The following METTL4 variants were observed in gnomAD, a reference collection of about 807,000 sequenced individuals.
METTL4 encodes the protein N(6)-adenine-specific methyltransferase METTL4.
In METTL4, 40 loss-of-function variants were observed where a neutral mutation model predicts 54.0. The ratio of observed to expected loss-of-function variants is 0.74; its 90% confidence interval spans 0.58 to 0.96. The LOEUF (loss-of-function observed/expected upper bound fraction) is 0.96. Ranked by LOEUF, METTL4 falls within the 50% of genes least tolerant of loss-of-function variation. The pLI is 0.00. For missense variants in METTL4, 525 were observed against 549.0 expected (o/e 0.96, Z 0.44); for synonymous variants, 169 against 183.8 (o/e 0.92, Z 0.65).
intron 3 of METTL4, among the ~76,000 whole-genome samples, chr18:2,556,907 G>C (rs2072247378): frequency 6.6e-6 from 1 of 152,134 alleles, no homozygotes; most frequent in African/African-American, 2.4e-5. Flanking sequence ...ATTGCTAAAA[G>C]AAACAGTGAT....
At chr18:2,551,772 C>T (rs1022321997) in intron 5 of METTL4, among the ~76,000 whole-genome samples, 4 of 151,612 alleles carry the variant, frequency 2.6e-5, no homozygotes, top group South Asian at 2.1e-4. Context: ...AAACAAGAAG[C>T]GTAAGAAAGG....
At chr18:2,544,870 C>T (rs1191465349) in intron 6 of METTL4, 111 bp from the exon 7 acceptor site, 1 of 582,508 alleles carries the variant, frequency 1.7e-6, no homozygotes, top group African/African-American at 2.0e-5. Context: ...AGTAAAAATA[C>T]TATGTGAGCC....
At position 2,560,969 on chromosome 18, in the gene METTL4, A is replaced by T. The variant is rs574067045; in HGVS notation, c.459+2828T>A. 5.5e-4 allele frequency among the ~76,000 whole-genome samples: 84 copies of T among 152,322 alleles called. 1 individual carries two copies. The highest frequency in any genetic ancestry group is 1.9e-3 in the African/African-American group (78 of 41,574). On this transcript the variant is annotated intron_variant, in intron 3 of 8. Coordinates refer to ENST00000574538, the MANE Select transcript of METTL4 (RefSeq NM_022840.5). ...AAATGCAAGGATGGTTAATTGAGGAAGAATCATAGGAAAAATCTATTCAGT... is the reference window on the plus strand; with the variant it reads ...AAATGCAAGGATGGTTAATTGAGGATGAATCATAGGAAAAATCTATTCAGT...
At chr18:2,554,372 TA>T (rs35980126) in intron 4 of METTL4, 230,596 of 234,650 alleles carry the variant, frequency 0.98, 113,366 homozygotes, top group Non-Finnish European at 0.99. Flanking sequence ...GAAAAAAAGT[TA>T]AAAAAAAAAG....
chr18:2,540,290 T>C (rs1049441785), intron 8 of METTL4: 55 of 984,422 alleles, frequency 5.6e-5, no homozygotes, highest in African/African-American at 8.7e-5. Flanking sequence ...AGGAATTTGG[T>C]ATAAAATTCA....
chr18:2,570,362 T>C (rs905888726), intron 1 of METTL4, among the ~76,000 whole-genome samples: 2 of 152,242 alleles, frequency 1.3e-5, no homozygotes, highest in African/African-American at 4.8e-5. Context: ...AATGCTGAAC[T>C]GTACTGTGAA....
chr18:2,555,978 T>C (rs2072233445), intron 3 of METTL4, among the ~76,000 whole-genome samples: 1 of 151,532 alleles, frequency 6.6e-6, no homozygotes, highest in Admixed American at 6.6e-5. Flanking sequence ...ACATGCAGAG[T>C]CCAATAGTCT....
chr18:2,544,857 T>A (rs2072048374), intron 6 of METTL4, 98 bp from the exon 7 acceptor site: 1 of 708,488 alleles, frequency 1.4e-6, no homozygotes, highest in African/African-American at 1.9e-5. Flanking sequence ...GCTAGTGATA[T>A]TCAGTAAAAA....
chr18:2,566,823 T>C lies in METTL4; in HGVS notation c.394A>G (p.Lys132Glu). ...AAATATTTCTTAAAACTTTCTACCTTCCCAATAATAGAAATGGAGATTTCT... is the reference window on the plus strand; with the variant it reads ...AAATATTTCTTAAAACTTTCTACCTCCCCAATAATAGAAATGGAGATTTCT... ...KKEISISIIG[K>E]KRKRCVVFNQ... is the part of the protein sequence containing the mutation. Residue 132 changes from lysine (K) to glutamate (E), a missense_variant and splice_region_variant, in exon 2 of 9, where the codon AAG becomes GAG. Physicochemically the swap from Lys to Glu is moderately conservative, Grantham distance 56. Transcript: ENST00000574538. 2 of 1,551,864 alleles carry C rather than the reference T, an allele frequency of 1.3e-6. No individual in the cohort carries two copies. Among genetic ancestry groups the C allele is most frequent in the South Asian group, 1.2e-5 (1 of 82,560 alleles).
intron 5 of METTL4, among the ~76,000 whole-genome samples, chr18:2,551,057 G>A (rs942218190): frequency 1.7e-4 from 25 of 150,080 alleles, no homozygotes; most frequent in South Asian, 6.4e-4. Flanking sequence ...CCAGCTACTC[G>A]GGAGGCTGAG....
chr18:2,564,434 C>T (rs2072372442), intron 2 of METTL4, among the ~76,000 whole-genome samples: 1 of 152,130 alleles, frequency 6.6e-6, no homozygotes, highest in African/African-American at 2.4e-5. Flanking sequence ...GTTACCAGTG[C>T]CATCTATCAC....
At chr18:2,554,262 G>A (rs1411000210) in intron 4 of METTL4, 2 of 154,466 alleles carry the variant, frequency 1.3e-5, no homozygotes. Flanking sequence ...AGAAATTTTA[G>A]ACAATGAGCT....
At chr18:2,551,471 G>A (rs1034942412) in intron 5 of METTL4, among the ~76,000 whole-genome samples, 11 of 152,262 alleles carry the variant, frequency 7.2e-5, no homozygotes, top group African/African-American at 2.6e-4. Flanking sequence ...GGAGGCTGAG[G>A]CAGGAGGATC....
intron 3 of METTL4, among the ~76,000 whole-genome samples, chr18:2,556,445 T>C (rs746982094): frequency 6.6e-6 from 1 of 151,988 alleles, no homozygotes; most frequent in Non-Finnish European, 1.5e-5. Flanking sequence ...TATGAAAATA[T>C]GAACTACCCA....
Position 2,554,872 on chromosome 18 carries a change from G to A in METTL4, c.626C>T (p.Pro209Leu), listed in dbSNP as rs1598350035. The A allele has an allele frequency of 6.2e-7, 1 of 1,613,842 alleles. No individual in the cohort carries two copies. Reference sequence around the variant, plus strand: ...CTGATGTTCCATTTCATTCAGAGAAGGCAAATGCTTTGCCATTTCACATAA... The same window carrying A: ...CTGATGTTCCATTTCATTCAGAGAAAGCAAATGCTTTGCCATTTCACATAA... Reference protein sequence around the residue: ...SELCEMAKHLPSLNEMEHQTL... With the variant: ...SELCEMAKHLLSLNEMEHQTL... Residue 209 changes from proline to leucine, a missense_variant, in exon 4 of 9, where the codon CCT becomes CTT. Transcript: ENST00000574538.
intron 8 of METTL4, chr18:2,540,326 A>C: frequency 1.0e-6 from 1 of 983,570 alleles, no homozygotes; most frequent in Non-Finnish European, 1.2e-6. Context: ...TAGAAAAGGT[A>C]AAATATGGTT....
intron 6 of METTL4, among the ~76,000 whole-genome samples, chr18:2,545,839 C>T (rs771675900): frequency 1.3e-5 from 2 of 151,960 alleles, no homozygotes; most frequent in Non-Finnish European, 2.9e-5. Flanking sequence ...TGTATAATTG[C>T]CTAATAAATG....
intron 5 of METTL4, among the ~76,000 whole-genome samples, chr18:2,549,998 AAAAAT>A (rs1237588018): frequency 1.3e-5 from 2 of 151,766 alleles, no homozygotes; most frequent in South Asian, 2.1e-4. Flanking sequence ...CTGTCTCAAA[AAAAAT>A]AAAATAAAAT....
At chr18:2,542,353 C>A (rs1479367389) in intron 8 of METTL4, among the ~76,000 whole-genome samples, 9 of 123,664 alleles carry the variant, frequency 7.3e-5, no homozygotes, top group African/African-American at 2.6e-4. Context: ...CTATCCCTCC[C>A]CCCTCCCCCC....
Sources: allele counts gnomAD v4.1 joint callset (sites outside exome capture counted in the v4.1 genomes callset), GRCh38; gene constraint gnomAD v4.1.1; transcripts MANE v1.5; gene names NCBI Gene and HGNC (gene_info 2026-07-23, HGNC 2026-07-21).